Variants in CCL23 observed in about 807,000 individuals in gnomAD.
The protein encoded by CCL23 is C-C motif chemokine 23.
A neutral mutation model predicts 11.8 loss-of-function variants in CCL23; 10 were observed. The observed-to-expected ratio is 0.84, with a 90% CI of 0.52 to 1.43. The LOEUF is 1.43. Ranked by LOEUF, CCL23 falls within the 40% of genes most tolerant of loss-of-function variation. CCL23 has a pLI of 0.00. For missense variants in CCL23, 181 were observed against 170.9 expected (o/e 1.06, Z -0.33); for synonymous variants, 60 against 61.0 (o/e 0.98, Z 0.07).
Position 36,013,245 on chromosome 17 carries a change from G to A in CCL23, c.366C>T (p.Cys122=), listed in dbSNP as rs753192837. 5.0e-6 allele frequency: 8 copies of A among 1,613,568 alleles called. No homozygotes were observed. In the African/African-American group the frequency reaches 8.0e-5, roughly 16 times the overall value. ...ANPSDKQVQV[C]MRMLKLDTRI... is the part of the protein sequence containing the mutation. Reference sequence around the variant, plus strand: ...GTGTGTCCAGCTTCAGCATTCTCATGCAAACCTGAACTTGCTTATCACTGG... The same window carrying A: ...GTGTGTCCAGCTTCAGCATTCTCATACAAACCTGAACTTGCTTATCACTGG... The change falls in exon 4 of 4, where the codon TGC becomes TGT. Residue 122 remains cysteine (C), a synonymous_variant. Coordinates refer to ENST00000615050, the MANE Select transcript of CCL23 (RefSeq NM_005064.6).
chr17:36,017,282 A>G (rs117105849), intron 1 of CCL23, among the ~76,000 whole-genome samples: 3,473 of 152,322 alleles, frequency 0.023, 66 homozygotes, highest in East Asian at 0.031. Context: ...CAGGGTTGTT[A>G]GGTGGAACTG....
rs980944636 is a variant in CCL23 at position 36,013,259 on chromosome 17, G to T, written c.352C>A (p.Gln118Lys). The T allele has an allele frequency of 6.2e-7, 1 of 1,613,864 alleles. No homozygotes were observed. Among genetic ancestry groups the T allele is most frequent in the Middle Eastern group, 1.6e-4 (1 of 6,062 alleles). The change falls in exon 4 of 4, where the codon CAA becomes AAA. Residue 118 changes from glutamine to lysine, a missense_variant. Physicochemically the swap from Gln to Lys is moderately conservative, Grantham distance 53 (BLOSUM62 1). Transcript: ENST00000615050. ...RRFCANPSDK[Q>K]VQVCMRMLKL... ...AGCATTCTCATGCAAACCTGAACTT[G>T]CTTATCACTGGGGTTGGCACAGAAA...
Position 36,015,515 on chromosome 17 carries a change from T to A in CCL23, c.77-1122A>T, listed in dbSNP as rs535045679. Among the ~76,000 whole-genome samples the A allele has an allele frequency of 2.6e-5, 4 of 152,334 alleles. No individual in the cohort carries two copies. In the South Asian group the frequency reaches 8.3e-4, roughly 32 times the overall value. On this transcript the variant is annotated intron_variant, in intron 1 of 3. Transcript: ENST00000615050. The stretch of plus-strand genomic sequence containing the variant: ...CCTGCTTTGAATTATTTTGGATATA[T>A]ACCCAGAAATAGAATTGCTGCATCA...
chr17:36,013,318 A>G lies in CCL23; in HGVS notation c.303-10T>C. On this transcript the variant is annotated splice_polypyrimidine_tract_variant and intron_variant, in intron 3 of 3. Coordinates refer to ENST00000615050, the MANE Select transcript of CCL23 (RefSeq NM_005064.6). ...CTTCTTGGTGAGGAAGCTAGGGAAC[A>G]AGGGGGAGAAAAGTTACAAACTGAG... 1 of 1,583,470 alleles carries G rather than the reference A, an allele frequency of 6.3e-7. No individual in the cohort carries two copies. Among genetic ancestry groups the G allele is most frequent in the Non-Finnish European group, 8.7e-7 (1 of 1,153,102 alleles).
At chr17:36,014,514 C>T in intron 1 of CCL23, 121 bp from the exon 2 acceptor site, 1 of 756,742 alleles carries the variant, frequency 1.3e-6, no homozygotes, top group Non-Finnish European at 2.3e-6. Flanking sequence ...GCTGGACCAC[C>T]ACCACCTGTC....
intron 2 of CCL23, 56 bp from the exon 3 acceptor site, chr17:36,013,965 A>G: frequency 1.3e-6 from 2 of 1,553,114 alleles, no homozygotes; most frequent in Non-Finnish European, 1.8e-6. Context: ...CTCCGTGACC[A>G]GCACTTGCTG....
intron 1 of CCL23, among the ~76,000 whole-genome samples, chr17:36,015,856 T>C (rs978931887): frequency 2.6e-5 from 4 of 151,682 alleles, no homozygotes; most frequent in Admixed American, 1.3e-4. Context: ...GGCCAACATG[T>C]TGAAATCCCG....
intron 1 of CCL23, among the ~76,000 whole-genome samples, chr17:36,015,119 C>T (rs1598758196): frequency 1.3e-5 from 2 of 152,182 alleles, no homozygotes; most frequent in South Asian, 4.2e-4. Flanking sequence ...CCTCATGCTT[C>T]CTCCCCTTAA....
chr17:36,013,114 G>A lies in CCL23; in HGVS notation c.*83C>T. 2 of 798,100 alleles carry A rather than the reference G, an allele frequency of 2.5e-6. No homozygotes were observed. Among genetic ancestry groups the A allele is most frequent in the Admixed American group, 3.9e-5 (2 of 51,302 alleles). 49.4% of individuals were successfully genotyped at this position (798,100 alleles called of 1,614,324 possible). A position where few individuals can be genotyped will look rare whatever the true frequency, so the allele number is the denominator to read the frequency against. On this transcript the variant is annotated 3_prime_UTR_variant, in exon 4 of 4. Coordinates refer to ENST00000615050, the MANE Select transcript of CCL23 (RefSeq NM_005064.6). ...CTAAATCCAGAACACAAGAATAAAT[G>A]CTTCTTAAAAAAATAATTCAGGAAG...
chr17:36,014,485 A>G, intron 1 of CCL23, 92 bp from the exon 2 acceptor site: 1 of 974,936 alleles, frequency 1.0e-6, no homozygotes, highest in South Asian at 1.3e-5. Flanking sequence ...CCTCCTCCTG[A>G]GGCAGAAAGG....
Position 36,013,193 on chromosome 17 carries a change from A to G in CCL23, c.*4T>C, listed in dbSNP as rs201399635. ...GCAACTTGTGTCCCTTCACCTTGAC[A>G]AGTTCAATTCTTCCTGGTCTTGATC... is the stretch of plus-strand genomic sequence containing the variant. On this transcript the variant is annotated 3_prime_UTR_variant, in exon 4 of 4. Transcript: ENST00000615050. 63 of 1,588,420 alleles carry G rather than the reference A, an allele frequency of 4.0e-5. No individual in the cohort carries two copies. The highest frequency in any genetic ancestry group is 7.7e-5 in the South Asian group (7 of 90,522).
In CCL23 at chr17:36,013,828, A is replaced by G; in HGVS notation, c.218T>C (p.Ile73Thr). 1.9e-6 allele frequency: 3 copies of G among 1,614,134 alleles called. No individual in the cohort carries two copies. The highest frequency in any genetic ancestry group is 1.7e-5 in the Admixed American group (1 of 60,022). ...GFHATSADCC[I>T]SYTPRSIPCS... ...CGGGATGCTTCGTGGGGTGTAGGAGATGCAGCAGTCAGCACTAGTAGCATG... is the reference window on the plus strand; with the variant it reads ...CGGGATGCTTCGTGGGGTGTAGGAGGTGCAGCAGTCAGCACTAGTAGCATG... The change falls in exon 3 of 4, where the codon ATC becomes ACC. Residue 73 changes from isoleucine to threonine, a missense_variant. Ile to Thr is a moderately conservative substitution (Grantham distance 89). Coordinates refer to ENST00000615050, the MANE Select transcript of CCL23 (RefSeq NM_005064.6).
Position 36,014,956 on chromosome 17 carries a change from T to TTATA in CCL23, c.77-567_77-564dup, listed in dbSNP as rs61365945. On this transcript the variant is annotated intron_variant, in intron 1 of 3. Coordinates refer to ENST00000615050, the MANE Select transcript of CCL23 (RefSeq NM_005064.6). ...TTACTAAATCATTTTTAAATCGTGG[T>TTATA]TATATATATATATATATAACGTAAA... 5.5e-4 allele frequency among the ~76,000 whole-genome samples: 82 copies of TTATA among 149,678 alleles called. 1 individual carries two copies. The highest frequency in any genetic ancestry group is 9.0e-4 in the African/African-American group (37 of 41,198).
intron 1 of CCL23, among the ~76,000 whole-genome samples, chr17:36,017,513 T>C (rs2090106268): frequency 6.6e-6 from 1 of 152,216 alleles, no homozygotes; most frequent in South Asian, 2.1e-4. Flanking sequence ...TCTACAAATT[T>C]GTAATTTTAC....
At chr17:36,013,568 C>A (rs2090073926) in intron 3 of CCL23, 176 bp downstream of exon 3, 1 of 648,132 alleles carries the variant, frequency 1.5e-6, no homozygotes, top group African/African-American at 1.8e-5. Flanking sequence ...CACCCTTTTC[C>A]CCCTGGGAGT....
chr17:36,014,949 A>G (rs2090086672), intron 1 of CCL23, among the ~76,000 whole-genome samples: 2 of 126,080 alleles, frequency 1.6e-5, no homozygotes, highest in African/African-American at 9.5e-5. Context: ...TCATTTTTAA[A>G]TCGTGGTTAT....
intron 3 of CCL23, 75 bp from the exon 4 acceptor site, chr17:36,013,383 T>G (rs1235673325): frequency 1.2e-6 from 1 of 862,674 alleles, no homozygotes; most frequent in Non-Finnish European, 1.9e-6. Flanking sequence ...CCATTCTCCC[T>G]GCCCCTCAGA....
intron 1 of CCL23, among the ~76,000 whole-genome samples, chr17:36,015,364 G>A (rs1568484319): frequency 1.3e-5 from 2 of 152,122 alleles, no homozygotes; most frequent in Admixed American, 1.3e-4. Context: ...AGATTCCATT[G>A]TATGTATGAA....
In CCL23 at chr17:36,014,451, A is replaced by C. The variant is rs73990626; in HGVS notation, c.77-58T>G. On this transcript the variant is annotated intron_variant, in intron 1 of 3. Transcript: ENST00000615050. ...CACTGGGCGGCAGCATTGTTTCAGC[A>C]TCTCCACCCACCCCATTGCTCATCC... 542 of 1,339,804 alleles carry C rather than the reference A, an allele frequency of 4.0e-4. 3 individuals carry two copies. In the African/African-American group the frequency reaches 6.6e-3, roughly 16 times the overall value. 83.0% of individuals were successfully genotyped at this position (1,339,804 alleles called of 1,614,324 possible).
Sources: allele counts gnomAD v4.1 joint callset (sites outside exome capture counted in the v4.1 genomes callset), GRCh38; gene constraint gnomAD v4.1.1; transcripts MANE v1.5; gene names NCBI Gene and HGNC (gene_info 2026-07-23, HGNC 2026-07-21).